Variants in ADRA1A observed in about 807,000 individuals in gnomAD.
ADRA1A encodes alpha-1A adrenergic receptor.
ADRA1A carries 31 observed loss-of-function variants against 29.6 expected under a neutral mutation model. The observed-to-expected ratio is 1.05, with a 90% CI of 0.79 to 1.41. ADRA1A has a LOEUF of 1.41. ADRA1A is among the 40% of genes most tolerant of loss of function. The probability of loss-of-function intolerance (pLI) is 0.00; values close to 1 mark genes in which losing one functional copy is unlikely to be tolerated. For missense variants in ADRA1A, 619 were observed against 601.1 expected (o/e 1.03, Z -0.31); for synonymous variants, 311 against 254.3 (o/e 1.22, Z -2.12).
intron 2 of ADRA1A, among the ~76,000 whole-genome samples, chr8:26,829,708 G>T (rs1418977296): frequency 6.6e-6 from 1 of 152,050 alleles, no homozygotes; most frequent in Non-Finnish European, 1.5e-5. Flanking sequence ...CCCTGTATTT[G>T]GAGTTTATTA....
intron 2 of ADRA1A, among the ~76,000 whole-genome samples, chr8:26,759,845 T>C (rs1427072594): frequency 6.6e-6 from 1 of 152,222 alleles, no homozygotes; most frequent in East Asian, 1.9e-4. Flanking sequence ...TGGATGGCTT[T>C]TGGGCTTGAA....
intron 2 of ADRA1A, among the ~76,000 whole-genome samples, chr8:26,798,591 G>C (rs1322637179): frequency 6.6e-6 from 1 of 152,080 alleles, no homozygotes; most frequent in African/African-American, 2.4e-5. Flanking sequence ...TTCATTTAAT[G>C]CATGTGCATG....
At position 26,841,470 on chromosome 8, in the gene ADRA1A, T is replaced by C. The variant is rs1286803600; in HGVS notation, c.883+22617A>G. ...AATCCTCTCAACCACTGCCTGCAGA[T>C]TCCCCTCCTTCTGTACTCATTTTTC... On this transcript the variant is annotated intron_variant, in intron 2 of 2. Transcript: ENST00000380573. The surrounding 1 kb of genome is among the most constrained non-coding windows in gnomAD (Gnocchi z 4.4). 1.3e-5 allele frequency among the ~76,000 whole-genome samples: 2 copies of C among 152,220 alleles called. No homozygotes were observed. The highest frequency in any genetic ancestry group is 6.5e-5 in the Admixed American group (1 of 15,286).
downstream of ADRA1A, among the ~76,000 whole-genome samples, chr8:26,763,848 A>G (rs1412985488): frequency 1.3e-5 from 2 of 152,160 alleles, no homozygotes; most frequent in East Asian, 3.9e-4. The surrounding 1 kb of genome is among the most constrained non-coding windows in gnomAD (Gnocchi z 4.5). Flanking sequence ...GTCAAAACAG[A>G]TAAGAATGTG....
At chr8:26,752,808 A>G (rs1804975038), downstream of ADRA1A, among the ~76,000 whole-genome samples, 1 of 152,234 alleles carries the variant, frequency 6.6e-6, no homozygotes, top group Non-Finnish European at 1.5e-5. Context: ...ACTGAGAAAA[A>G]GAACAACCTG....
intron 2 of ADRA1A, among the ~76,000 whole-genome samples, chr8:26,749,216 G>C (rs1337032796): frequency 2.0e-5 from 3 of 152,162 alleles, no homozygotes; most frequent in Non-Finnish European, 4.4e-5. Flanking sequence ...AAGGACAGGA[G>C]ACTGGACTTT....
chr8:26,862,242 G>A (rs959686402), intron 2 of ADRA1A, among the ~76,000 whole-genome samples: 3 of 152,136 alleles, frequency 2.0e-5, no homozygotes, highest in African/African-American at 7.2e-5. Flanking sequence ...TGCCCAGGAA[G>A]CTCTTCTTCC....
intron 2 of ADRA1A, among the ~76,000 whole-genome samples, chr8:26,811,195 CT>C (rs745317292): frequency 1.7e-3 from 220 of 125,940 alleles, no homozygotes; most frequent in Non-Finnish European, 2.0e-3. Context: ...TCTTTCTTTT[CT>C]TTTTTTTTTT....
downstream of ADRA1A, among the ~76,000 whole-genome samples, chr8:26,752,273 G>T (rs1381446374): frequency 6.6e-6 from 1 of 152,188 alleles, no homozygotes; most frequent in African/African-American, 2.4e-5. Flanking sequence ...TGAGGAGGCG[G>T]TGTCTCATTT....
downstream of ADRA1A, chr8:26,768,710 T>C (rs1423089391): frequency 1.7e-5 from 3 of 180,842 alleles, no homozygotes; most frequent in Non-Finnish European, 2.1e-5. Context: ...ATCCCAGAGA[T>C]ATTTGATTAT....
At chr8:26,785,525 C>G (rs974842092) in intron 2 of ADRA1A, among the ~76,000 whole-genome samples, 2 of 149,076 alleles carry the variant, frequency 1.3e-5, no homozygotes, top group African/African-American at 5.0e-5. Context: ...GTTTAGAAAT[C>G]TTTCTTTTAA....
At chr8:26,750,035 A>T (rs1804856060) in intron 2 of ADRA1A, among the ~76,000 whole-genome samples, 1 of 152,154 alleles carries the variant, frequency 6.6e-6, no homozygotes, top group South Asian at 2.1e-4. Flanking sequence ...TGGCTTATAC[A>T]CATCAGAAAT....
At chr8:26,812,763 C>G (rs974841797) in intron 2 of ADRA1A, among the ~76,000 whole-genome samples, 5 of 151,822 alleles carry the variant, frequency 3.3e-5, no homozygotes, top group Non-Finnish European at 5.9e-5. Context: ...CTCCCGGGTT[C>G]ACGCCATTCT....
intron 2 of ADRA1A, among the ~76,000 whole-genome samples, chr8:26,785,944 C>A (rs1807338938): frequency 6.6e-6 from 1 of 152,124 alleles, no homozygotes; most frequent in Non-Finnish European, 1.5e-5. Flanking sequence ...CATTGTCAGG[C>A]CCTACTCAGC....
intron 2 of ADRA1A, among the ~76,000 whole-genome samples, chr8:26,818,671 G>A (rs1298198196): frequency 6.6e-6 from 1 of 151,922 alleles, no homozygotes; most frequent in Non-Finnish European, 1.5e-5. Context: ...TTCTGGAGCT[G>A]GATAATACAT....
In ADRA1A at chr8:26,865,192, G is replaced by T. The variant is rs1300074945; in HGVS notation, c.-223C>A. ...TGAAGGGGCAGGGCATTAAAGACAT[G>T]GCCAGGGGCGCGCGGGGCTGCCGGG... is the stretch of plus-strand genomic sequence containing the variant. On this transcript the variant is annotated 5_prime_UTR_variant, in exon 2 of 3. Transcript: ENST00000380573. The surrounding 1 kb of genome is among the most constrained non-coding windows in gnomAD (Gnocchi z 7.6). 7.2e-7 allele frequency: 1 copy of T among 1,384,636 alleles called. No homozygotes were observed. The highest frequency in any genetic ancestry group is 1.5e-5 in the African/African-American group (1 of 68,668). 85.8% of individuals were successfully genotyped at this position (1,384,636 alleles called of 1,614,324 possible).
chr8:26,765,664 G>T (rs374942311), downstream of ADRA1A, among the ~76,000 whole-genome samples: 5 of 152,296 alleles, frequency 3.3e-5, no homozygotes, highest in African/African-American at 1.2e-4. Flanking sequence ...CTTTTCACTT[G>T]GTTTTTCCTT....
intron 2 of ADRA1A, among the ~76,000 whole-genome samples, chr8:26,834,164 A>G (rs922577511): frequency 6.6e-6 from 1 of 152,240 alleles, no homozygotes; most frequent in African/African-American, 2.4e-5. Flanking sequence ...AAACTATAAA[A>G]TACCAAGGGA....
chr8:26,865,698 C>G lies in ADRA1A; in HGVS notation c.-686-43G>C, dbSNP rs1279629865. The G allele has an allele frequency of 1.0e-6, 1 of 985,686 alleles. No individual in the cohort carries two copies. The highest frequency in any genetic ancestry group is 1.7e-5 in the African/African-American group (1 of 57,244). 61.1% of individuals were successfully genotyped at this position (985,686 alleles called of 1,614,324 possible). On this transcript the variant is annotated intron_variant, in intron 1 of 2. Coordinates refer to ENST00000380573, the MANE Select transcript of ADRA1A (RefSeq NM_000680.4). The surrounding 1 kb of genome is among the most constrained non-coding windows in gnomAD (Gnocchi z 7.6). ...GAAAGGCGGCTTTGAGCTAGGCGCC[C>G]CAGGGAAAGAGGCTGTGCTGAGCTT... is the stretch of plus-strand genomic sequence containing the variant.
Sources: allele counts gnomAD v4.1 joint callset (sites outside exome capture counted in the v4.1 genomes callset), GRCh38; gene constraint gnomAD v4.1.1; non-coding constraint Gnocchi (gnomAD v3.1); transcripts MANE v1.5; gene names NCBI Gene and HGNC (gene_info 2026-07-23, HGNC 2026-07-21).